RABGAP1L: variants seen among roughly 807,000 people sequenced by gnomAD.
RABGAP1L encodes the protein RAB GTPase activating protein 1 like, also known as rab GTPase-activating protein 1-like.
RABGAP1L carries 63 observed loss-of-function variants against 137.7 expected under a neutral mutation model. The ratio of observed to expected loss-of-function variants is 0.46; its 90% CI spans 0.37 to 0.56. The LOEUF (loss-of-function observed/expected upper bound fraction) is 0.56. Among genes scored for constraint, RABGAP1L ranks in the 20% least tolerant of loss-of-function variants. The probability of loss-of-function intolerance (pLI) is 0.00; values close to 1 mark genes in which losing one functional copy is unlikely to be tolerated. For missense variants in RABGAP1L, 1,095 were observed against 1,244.0 expected (o/e 0.88, Z 1.80); for synonymous variants, 431 against 433.7 (o/e 0.99, Z 0.08).
intron 1 of RABGAP1L, among the ~76,000 whole-genome samples, chr1:174,183,867 C>CTTTTT (rs772022782): frequency 1.2e-4 from 16 of 130,536 alleles, no homozygotes; most frequent in South Asian, 2.5e-4. Flanking sequence ...TTCAGATTGG[C>CTTTTT]TTTTTTTTTT....
intron 17 of RABGAP1L, among the ~76,000 whole-genome samples, chr1:174,721,339 A>C (rs1213689385): frequency 6.6e-6 from 1 of 152,230 alleles, no homozygotes; most frequent in African/African-American, 2.4e-5. Flanking sequence ...AAGAAAGATA[A>C]TAATTCAACG....
chr1:174,810,035 C>T (rs546779253), intron 18 of RABGAP1L, among the ~76,000 whole-genome samples: 2 of 152,290 alleles, frequency 1.3e-5, no homozygotes, highest in African/African-American at 4.8e-5. Flanking sequence ...CACTGTTAGC[C>T]TAGCTCCATT....
At chr1:174,879,530 G>C (rs1481484449) in intron 19 of RABGAP1L, among the ~76,000 whole-genome samples, 1 of 152,088 alleles carries the variant, frequency 6.6e-6, no homozygotes, top group Non-Finnish European at 1.5e-5. Context: ...ACTGCACCCG[G>C]CTGATACTAT....
intron 11 of RABGAP1L, among the ~76,000 whole-genome samples, chr1:174,355,884 A>G (rs1047324639): frequency 5.3e-5 from 8 of 152,210 alleles, no homozygotes; most frequent in African/African-American, 1.9e-4. Flanking sequence ...TCTCTCTGTA[A>G]TAAATCACCC....
rs1210025871 is a variant in RABGAP1L at position 174,394,148 on chromosome 1, A to G, written c.1710+3A>G. On this transcript the variant is annotated splice_donor_region_variant and intron_variant, in intron 13 of 25. Transcript: ENST00000681986. ...GATACCGAATTCTTATCACAAAGGT[A>G]GGAAGAAGTTCTTTTCATATTATTT... The G allele has an allele frequency of 6.2e-7, 1 of 1,610,928 alleles. No individual in the cohort carries two copies. The highest frequency in any genetic ancestry group is 8.5e-7 in the Non-Finnish European group (1 of 1,178,732).
intron 1 of RABGAP1L, among the ~76,000 whole-genome samples, chr1:174,183,967 G>A (rs992370411): frequency 3.3e-5 from 5 of 149,730 alleles, no homozygotes; most frequent in African/African-American, 4.9e-5. Flanking sequence ...CTGGGTTCAC[G>A]CCATTCTCCT....
intron 19 of RABGAP1L, among the ~76,000 whole-genome samples, chr1:174,814,191 C>T (rs1455413928): frequency 6.6e-6 from 1 of 151,938 alleles, no homozygotes; most frequent in Non-Finnish European, 1.5e-5. Context: ...ATGGACTGCT[C>T]CTGGAAGGGA....
chr1:174,734,309 G>A (rs1376805809), intron 17 of RABGAP1L, among the ~76,000 whole-genome samples: 1 of 152,088 alleles, frequency 6.6e-6, no homozygotes, highest in Admixed American at 6.6e-5. Context: ...GCTAGCTGAC[G>A]ACCAGGTATG....
In RABGAP1L at chr1:174,358,691, G is replaced by C. The variant is rs968263068; in HGVS notation, c.1466-12288G>C. Among the ~76,000 whole-genome samples, 4 of 152,272 alleles carry C rather than the reference G, an allele frequency of 2.6e-5. No individual in the cohort carries two copies. In the East Asian group the frequency reaches 7.7e-4, roughly 29 times the overall value. On this transcript the variant is annotated intron_variant, in intron 11 of 25. Transcript: ENST00000681986. ...AGGGGTATACTTTAACAGACTGAATGAACCTAGTTGCCTTTTACCCATGTC... is the reference window on the plus strand; with the variant it reads ...AGGGGTATACTTTAACAGACTGAATCAACCTAGTTGCCTTTTACCCATGTC...
chr1:174,747,165 G>C (rs546126534), intron 17 of RABGAP1L, among the ~76,000 whole-genome samples: 237 of 152,168 alleles, frequency 1.6e-3, no homozygotes, highest in Non-Finnish European at 2.5e-3. Context: ...CATGTTGTGA[G>C]GCCAAGGCAG....
intron 11 of RABGAP1L, among the ~76,000 whole-genome samples, chr1:174,368,493 A>T (rs1429123280): frequency 6.6e-6 from 1 of 152,178 alleles, no homozygotes; most frequent in African/African-American, 2.4e-5. Context: ...CTCTCTGTCA[A>T]TGTAATTGGT....
intron 13 of RABGAP1L, among the ~76,000 whole-genome samples, chr1:174,414,121 GACT>G (rs1236516227): frequency 6.6e-6 from 1 of 151,996 alleles, no homozygotes; most frequent in Non-Finnish European, 1.5e-5. Flanking sequence ...AATTATAACA[GACT>G]AGTAGCTACA....
chr1:174,358,330 G>A (rs1435430021), intron 11 of RABGAP1L, among the ~76,000 whole-genome samples: 1 of 152,202 alleles, frequency 6.6e-6, no homozygotes, highest in Non-Finnish European at 1.5e-5. Flanking sequence ...GTTCCAAATA[G>A]TTGGCACAGT....
chr1:174,853,127 C>T (rs773911059), intron 19 of RABGAP1L, among the ~76,000 whole-genome samples: 2 of 151,154 alleles, frequency 1.3e-5, no homozygotes, highest in Non-Finnish European at 2.9e-5. Flanking sequence ...TGTGCCAAAA[C>T]ACATAAAATG....
intron 18 of RABGAP1L, chr1:174,800,267 A>C: frequency 1.4e-6 from 2 of 1,475,852 alleles, no homozygotes; most frequent in Non-Finnish European, 1.8e-6. Flanking sequence ...CTCCCCTCCC[A>C]CCGCAGTTCT....
chr1:174,689,583 G>A (rs186498462), intron 15 of RABGAP1L, among the ~76,000 whole-genome samples: 25 of 152,162 alleles, frequency 1.6e-4, no homozygotes, highest in African/African-American at 6.0e-4. Context: ...TGGCTGGCCT[G>A]GATTCATATG....
intron 21 of RABGAP1L, among the ~76,000 whole-genome samples, chr1:174,971,480 T>C (rs996700889): frequency 6.6e-6 from 1 of 152,152 alleles, no homozygotes; most frequent in Non-Finnish European, 1.5e-5. Flanking sequence ...CCTTCATTCT[T>C]CCTCTGCCTT....
chr1:174,563,817 TG>T (rs1667385441), intron 13 of RABGAP1L, among the ~76,000 whole-genome samples: 1 of 151,896 alleles, frequency 6.6e-6, no homozygotes, highest in African/African-American at 2.4e-5. Context: ...AATGAATGAA[TG>T]GGGGGAAAGC....
chr1:174,422,279 G>T (rs1410246729), intron 13 of RABGAP1L, among the ~76,000 whole-genome samples: 3 of 152,018 alleles, frequency 2.0e-5, no homozygotes, highest in African/African-American at 7.2e-5. Flanking sequence ...TATTATACAT[G>T]AAACAAACCA....
Sources: allele counts gnomAD v4.1 joint callset (sites outside exome capture counted in the v4.1 genomes callset), GRCh38; gene constraint gnomAD v4.1.1; transcripts MANE v1.5; gene names NCBI Gene and HGNC (gene_info 2026-07-23, HGNC 2026-07-21).